The following ZNF649 variants were observed in gnomAD, a reference collection of about 807,000 sequenced individuals.
ZNF649 encodes the protein zinc finger protein 649.
A neutral mutation model predicts 14.1 loss-of-function variants in ZNF649; 7 were observed. The ratio of observed to expected loss-of-function variants is 0.49; its 90% CI spans 0.28 to 0.93. The LOEUF (loss-of-function observed/expected upper bound fraction) is 0.93, where lower values mean the gene tolerates loss of function less well. ZNF649 is among the 40% of genes least tolerant of loss of function. The pLI is 0.10. For synonymous variants in ZNF649, 227 were observed against 212.3 expected, an observed-to-expected ratio of 1.07 and a Z score of -0.60; for missense variants, 544 against 608.1, an observed-to-expected ratio of 0.89 and a Z score of 1.11.
chr19:51,891,827 T>C lies in ZNF649; in HGVS notation c.309A>G (p.Gln103=), dbSNP rs1568454990. 6.2e-7 allele frequency: 1 copy of C among 1,610,536 alleles called. No individual in the cohort carries two copies. The highest frequency in any genetic ancestry group is 8.5e-7 in the Non-Finnish European group (1 of 1,179,116). The change falls in exon 5 of 5, where the codon CAA becomes CAG. Residue 103 remains glutamine (Q), a synonymous_variant. Coordinates refer to ENST00000354957, the MANE Select transcript of ZNF649 (RefSeq NM_023074.4). The surrounding 1 kb of genome is among the most constrained non-coding windows in gnomAD (Gnocchi z 4.2). ...QNQKILKRTG[Q]RYEHGRTLKS... is the part of the protein sequence containing the mutation. ...TCAAAGTTCTTCCGTGTTCATAGCGTTGTCCCGTCCTCTTCAGTATTTTTT... is the reference window on the plus strand; with the variant it reads ...TCAAAGTTCTTCCGTGTTCATAGCGCTGTCCCGTCCTCTTCAGTATTTTTT...
At chr19:51,899,897 A>G (rs1381672050) in intron 2 of ZNF649, 196 bp downstream of exon 2, 1 of 423,088 alleles carries the variant, frequency 2.4e-6, no homozygotes, top group African/African-American at 2.0e-5. Flanking sequence ...ATATTCCAAC[A>G]CTGGTCACAT....
chr19:51,904,205 G>A (rs1296930226), intron 1 of ZNF649: 1 of 152,144 alleles, frequency 6.6e-6, no homozygotes, highest in African/African-American at 2.4e-5. Context: ...TGATTCTGGG[G>A]GCTGCCCAAT....
In ZNF649 at chr19:51,890,608, A is replaced by G. The variant is rs765094877; in HGVS notation, c.*10T>C. The G allele has an allele frequency of 3.2e-6, 5 of 1,575,114 alleles. No individual in the cohort carries two copies. In the Admixed American group the frequency reaches 6.7e-5, roughly 21 times the overall value. ...GCTGGAGGCTATATGATCAAACAGC[A>G]AACTGTTTATCATGAATGCAGGATG... On this transcript the variant is annotated 3_prime_UTR_variant, in exon 5 of 5. Coordinates refer to ENST00000354957, the MANE Select transcript of ZNF649 (RefSeq NM_023074.4).
Position 51,891,071 on chromosome 19 carries a change from G to C in ZNF649, c.1065C>G (p.Phe355Leu). 1 of 1,614,244 alleles carries C rather than the reference G, an allele frequency of 6.2e-7. No homozygotes were observed. The highest frequency in any genetic ancestry group is 1.1e-5 in the South Asian group (1 of 91,088). ...PYGCIDCGKA[F>L]SQKSCLVAHQ... The stretch of plus-strand genomic sequence containing the variant: ...GTGCTACAAGGCAAGACTTCTGGCT[G>C]AAGGCCTTGCCACAGTCAATGCATC... The change falls in exon 5 of 5, where the codon TTC (phenylalanine) becomes TTG (leucine). Residue 355 changes from phenylalanine (F) to leucine (L), a missense_variant. Transcript: ENST00000354957. The surrounding 1 kb of genome is among the most constrained non-coding windows in gnomAD (Gnocchi z 4.2).
Position 51,891,359 on chromosome 19 carries a change from C to A in ZNF649, c.777G>T (p.Glu259Asp). 2 of 1,614,224 alleles carry A rather than the reference C, an allele frequency of 1.2e-6. No homozygotes were observed. Among genetic ancestry groups the A allele is most frequent in the Non-Finnish European group, 1.7e-6 (2 of 1,180,020 alleles). The change falls in exon 5 of 5, where the codon GAG becomes GAT. Residue 259 changes from glutamate to aspartate, a missense_variant. Glu to Asp is a conservative substitution (Grantham distance 45, BLOSUM62 2). Coordinates refer to ENST00000354957, the MANE Select transcript of ZNF649 (RefSeq NM_023074.4). The surrounding 1 kb of genome is among the most constrained non-coding windows in gnomAD (Gnocchi z 4.2). ...LTEHERAHKG[E>D]KPYGCSECGK... is the part of the protein sequence containing the mutation. ...CACATTCACTGCACCCGTATGGTTT[C>A]TCTCCTTTGTGAGCTCTCTCGTGTT...
chr19:51,891,901 A>G lies in ZNF649; in HGVS notation c.239-4T>C. ...TGATCATCAGCTTTCTCAATTTCTAAGAGAGAGAACAATAAATCCTTCCAT... is the reference window on the plus strand; with the variant it reads ...TGATCATCAGCTTTCTCAATTTCTAGGAGAGAGAACAATAAATCCTTCCAT... On this transcript the variant is annotated splice_region_variant and splice_polypyrimidine_tract_variant and intron_variant, in intron 4 of 4. Coordinates refer to ENST00000354957, the MANE Select transcript of ZNF649 (RefSeq NM_023074.4). This position sits in a 1 kb window ranked among gnomAD's most constrained non-coding sequence, Gnocchi z 4.2. The G allele has an allele frequency of 1.9e-6, 3 of 1,547,982 alleles. No homozygotes were observed. Among genetic ancestry groups the G allele is most frequent in the Non-Finnish European group, 2.6e-6 (3 of 1,154,952 alleles).
At chr19:51,897,719 A>G (rs1482739617) in intron 2 of ZNF649, among the ~76,000 whole-genome samples, 2 of 152,186 alleles carry the variant, frequency 1.3e-5, no homozygotes, top group African/African-American at 2.4e-5. Context: ...GAACAGGAAG[A>G]CAAGCATTTG....
chr19:51,904,654 G>A (rs955268373), intron 1 of ZNF649, among the ~76,000 whole-genome samples: 3 of 152,024 alleles, frequency 2.0e-5, no homozygotes, highest in Admixed American at 2.0e-4. Context: ...GTGCTGGGCA[G>A]CGTCCCCCTA....
At chr19:51,901,842 C>G (rs2085096291) in intron 1 of ZNF649, among the ~76,000 whole-genome samples, 1 of 150,446 alleles carries the variant, frequency 6.6e-6, no homozygotes, top group African/African-American at 2.5e-5. Context: ...ACTCAGATGG[C>G]TGCGGCAGGA....
At chr19:51,904,870 C>G (rs1448055555) in intron 1 of ZNF649, 44 bp downstream of exon 1, 10 of 152,592 alleles carry the variant, frequency 6.6e-5, no homozygotes, top group Non-Finnish European at 2.9e-5. Context: ...CTCAGAAGCT[C>G]CCTACCCCTT....
chr19:51,899,841 A>G, intron 2 of ZNF649: 1 of 368,166 alleles, frequency 2.7e-6, no homozygotes. Flanking sequence ...TTTGGACACA[A>G]GCTGACACTT....
At chr19:51,903,669 AT>A (rs2085106988) in intron 1 of ZNF649, among the ~76,000 whole-genome samples, 1 of 152,076 alleles carries the variant, frequency 6.6e-6, no homozygotes, top group South Asian at 2.1e-4. Context: ...AAATACAAAA[AT>A]TAGCCGGGCG....
In ZNF649 at chr19:51,896,503, T is replaced by C; in HGVS notation, c.207A>G (p.Leu69=). Residue 69 remains leucine (L), a synonymous_variant, in exon 4 of 5, where the codon CTA becomes CTG. Coordinates refer to ENST00000354957, the MANE Select transcript of ZNF649 (RefSeq NM_023074.4). The part of the protein sequence containing the change: ...KLEQGEPLWT[L]EDEIHSPAHP... ...GGGCTGGACTGTGGATTTCATCTTC[T>C]AGTGTCCATAGTGGTTCTCCTTGTT... The C allele has an allele frequency of 6.2e-7, 1 of 1,614,144 alleles. No individual in the cohort carries two copies. Among genetic ancestry groups the C allele is most frequent in the Non-Finnish European group, 8.5e-7 (1 of 1,180,000 alleles).
At chr19:51,902,423 C>G (rs2085100227) in intron 1 of ZNF649, among the ~76,000 whole-genome samples, 1 of 152,200 alleles carries the variant, frequency 6.6e-6, no homozygotes, top group Admixed American at 6.5e-5. Flanking sequence ...AATCAGGATT[C>G]ACACGGCCTC....
chr19:51,890,369 A>G lies in ZNF649; in HGVS notation c.*249T>C. On this transcript the variant is annotated 3_prime_UTR_variant, in exon 5 of 5. Coordinates refer to ENST00000354957, the MANE Select transcript of ZNF649 (RefSeq NM_023074.4). ...CTTGGCCCCCGGAGTAAGAGATATC[A>G]TTCTGAGGAACACCAAGTGGAAGCC... 1 of 437,432 alleles carries G rather than the reference A, an allele frequency of 2.3e-6. No homozygotes were observed. The highest frequency in any genetic ancestry group is 3.8e-5 in the East Asian group (1 of 26,278). 27.1% of individuals were successfully genotyped at this position (437,432 alleles called of 1,614,324 possible).
In ZNF649 at chr19:51,890,440, TA is replaced by T; in HGVS notation, c.*177del. The stretch of plus-strand genomic sequence containing the variant: ...CAGCCAAACTCTATGATCAAGATAG[TA>T]AATGAAAAACAATATTGTGGGAGGG... On this transcript the variant is annotated 3_prime_UTR_variant, in exon 5 of 5. Transcript: ENST00000354957. 1 of 552,284 alleles carries T rather than the reference TA, an allele frequency of 1.8e-6. No homozygotes were observed. Among genetic ancestry groups the T allele is most frequent in the Non-Finnish European group, 3.2e-6 (1 of 316,410 alleles). The allele number at this position is 552,284 out of a possible 1,614,324, so 34.2% of individuals were successfully genotyped here. A position where few individuals can be genotyped will look rare whatever the true frequency, so the allele number is the denominator to read the frequency against.
intron 1 of ZNF649, among the ~76,000 whole-genome samples, chr19:51,904,528 T>C (rs2085112366): frequency 6.6e-6 from 1 of 152,092 alleles, no homozygotes; most frequent in Non-Finnish European, 1.5e-5. Flanking sequence ...ACATCCCCGA[T>C]TCACCCCAAA....
In ZNF649 at chr19:51,890,242, A is replaced by G. The variant is rs902648127; in HGVS notation, c.*376T>C. 2 of 169,282 alleles carry G rather than the reference A, an allele frequency of 1.2e-5. No homozygotes were observed. Among genetic ancestry groups the G allele is most frequent in the Non-Finnish European group, 2.5e-5 (2 of 78,656 alleles). The allele number at this position is 169,282 out of a possible 1,614,324, so 10.5% of individuals were successfully genotyped here. A position where few individuals can be genotyped will look rare whatever the true frequency, so the allele number is the denominator to read the frequency against. ...GGGTAAAATAATAAAAAGCATGAAC[A>G]TCATTTTCATGTACATATGTGTATA... is the stretch of plus-strand genomic sequence containing the variant. On this transcript the variant is annotated 3_prime_UTR_variant, in exon 5 of 5. Transcript: ENST00000354957.
At chr19:51,895,136 C>T (rs114446665) in intron 4 of ZNF649, among the ~76,000 whole-genome samples, 249 of 152,292 alleles carry the variant, frequency 1.6e-3, no homozygotes, top group African/African-American at 5.6e-3. Context: ...CCAAATCACA[C>T]TGATGTGGTA....
Sources: allele counts gnomAD v4.1 joint callset (sites outside exome capture counted in the v4.1 genomes callset), GRCh38; gene constraint gnomAD v4.1.1; non-coding constraint Gnocchi (gnomAD v3.1); transcripts MANE v1.5; gene names NCBI Gene and HGNC (gene_info 2026-07-23, HGNC 2026-07-21).